MYO1F: variants seen among roughly 807,000 people sequenced by gnomAD.
The protein encoded by MYO1F is unconventional myosin-If.
MYO1F carries 60 observed loss-of-function variants against 146.6 expected under a neutral mutation model. The ratio of observed to expected loss-of-function variants is 0.41; its 90% CI spans 0.33 to 0.51. The LOEUF (loss-of-function observed/expected upper bound fraction) is 0.51, where lower values mean the gene tolerates loss of function less well. Among genes scored for constraint, MYO1F ranks in the 20% least tolerant of loss-of-function variants. The pLI is 0.25. For missense variants in MYO1F, 1,274 were observed against 1,534.3 expected (o/e 0.83, Z 2.83); for synonymous variants, 602 against 602.1 (o/e 1.00, Z 0.00).
chr19:8,576,435 C>G (rs1368577111), intron 1 of MYO1F: 5 of 152,450 alleles, frequency 3.3e-5, no homozygotes, highest in African/African-American at 7.2e-5. Context: ...GCCACATGCT[C>G]TCATCCTCAC....
intron 15 of MYO1F, among the ~76,000 whole-genome samples, chr19:8,540,671 C>T (rs1275657390): frequency 6.7e-6 from 1 of 149,864 alleles, no homozygotes; most frequent in African/African-American, 2.5e-5. Context: ...GATCGTGCCA[C>T]TGCACTCCAG....
rs1973619920 is a variant in MYO1F at position 8,551,742 on chromosome 19, G to GAGTCTCACCAA, written c.758_768dup (p.Ser258ValfsTer4). Reference sequence around the variant, plus strand: ...CTGGAGTAGAGGCCGGTGCTCACCAGAGTCTCACCAAAGTCGCTTCTGTCG... The same window carrying GAGTCTCACCAA: ...CTGGAGTAGAGGCCGGTGCTCACCAGAGTCTCACCAAAGTCTCACCAAAGTCGCTTCTGTCG... On this transcript the variant is annotated frameshift_variant, in exon 8 of 28. Coordinates refer to ENST00000644032, the MANE Select transcript of MYO1F (RefSeq NM_012335.4). LOFTEE classifies it high-confidence loss of function. 1.9e-6 allele frequency: 3 copies of GAGTCTCACCAA among 1,614,062 alleles called. No individual in the cohort carries two copies. Among genetic ancestry groups the GAGTCTCACCAA allele is most frequent in the Non-Finnish European group, 2.5e-6 (3 of 1,180,058 alleles).
chr19:8,525,586 T>A lies in MYO1F; in HGVS notation c.2771-24A>T, dbSNP rs1057343669. The A allele has an allele frequency of 3.8e-6, 6 of 1,598,530 alleles. No individual in the cohort carries two copies. The Admixed American group carries it at 1.0e-4, about 27-fold the overall frequency. On this transcript the variant is annotated intron_variant, in intron 24 of 27. Coordinates refer to ENST00000644032, the MANE Select transcript of MYO1F (RefSeq NM_012335.4). ...CTCTGAAAGAAGAGTGTCAGGGAGT[T>A]GAATGACAGACAGACCACGCTCTTT... is the stretch of plus-strand genomic sequence containing the variant.
chr19:8,539,430 C>G (rs1972863524), intron 16 of MYO1F, among the ~76,000 whole-genome samples: 2 of 151,010 alleles, frequency 1.3e-5, no homozygotes, highest in Non-Finnish European at 3.0e-5. Flanking sequence ...AAAAACCAAA[C>G]CAACAAAAAA....
chr19:8,546,422 C>T (rs998870318), intron 12 of MYO1F, among the ~76,000 whole-genome samples: 6 of 151,660 alleles, frequency 4.0e-5, no homozygotes, highest in East Asian at 1.9e-4. Flanking sequence ...CTCAGCGATG[C>T]GATCCTAGCT....
At chr19:8,552,422 C>G (rs1238300397) in intron 6 of MYO1F, among the ~76,000 whole-genome samples, 2 of 152,050 alleles carry the variant, frequency 1.3e-5, no homozygotes, top group Non-Finnish European at 2.9e-5. Context: ...CCATGCCCAG[C>G]TAATTTTTGT....
intron 1 of MYO1F, among the ~76,000 whole-genome samples, chr19:8,568,422 CAAAAAA>C (rs55833513): frequency 4.5e-5 from 3 of 66,462 alleles, no homozygotes; most frequent in East Asian, 5.2e-4. Flanking sequence ...GACTCCGTCT[CAAAAAA>C]AAAAAAAAAA....
intron 13 of MYO1F, 44 bp downstream of exon 13, chr19:8,545,606 G>A: frequency 6.6e-7 from 1 of 1,507,300 alleles, no homozygotes; most frequent in Admixed American, 1.7e-5. Flanking sequence ...ACTCAGCTCA[G>A]GGGACCAGTG....
chr19:8,527,787 A>AT (rs1972330106), intron 21 of MYO1F, among the ~76,000 whole-genome samples: 1 of 152,144 alleles, frequency 6.6e-6, no homozygotes, highest in East Asian at 1.9e-4. Flanking sequence ...TAATTTTGGT[A>AT]TTTTTTGTAG....
intron 19 of MYO1F, among the ~76,000 whole-genome samples, chr19:8,533,333 ATTCTTCTTCTTC>A (rs552758347): frequency 2.2e-5 from 3 of 135,732 alleles, no homozygotes; most frequent in Admixed American, 7.7e-5. Flanking sequence ...CCAGCCTCAG[ATTCTTCTTCTTC>A]TTCTTCTTCT....
chr19:8,547,457 A>G (rs1217567081), intron 12 of MYO1F, among the ~76,000 whole-genome samples: 2 of 151,834 alleles, frequency 1.3e-5, no homozygotes, highest in African/African-American at 4.8e-5. Context: ...TACAAAAATT[A>G]GCTGGGCATG....
rs368127869 is a variant in MYO1F, at chr19:8,526,605, T to C, written c.2622-4A>G. 132 of 1,592,290 alleles carry C rather than the reference T, an allele frequency of 8.3e-5. 1 individual carries two copies. The East Asian group carries it at 2.3e-3, about 28-fold the overall frequency. On this transcript the variant is annotated splice_polypyrimidine_tract_variant and splice_region_variant and intron_variant, in intron 23 of 27. Transcript: ENST00000644032. ...CTTCTTCACCCGAAACTGTAGTCTATGGGGAGAGAAGAAAGCTTGGGGGCG... is the reference window on the plus strand; with the variant it reads ...CTTCTTCACCCGAAACTGTAGTCTACGGGGAGAGAAGAAAGCTTGGGGGCG...
chr19:8,564,373 C>T (rs1416003414), intron 1 of MYO1F, among the ~76,000 whole-genome samples: 1 of 152,044 alleles, frequency 6.6e-6, no homozygotes, highest in African/African-American at 2.4e-5. Context: ...AGGAGTGAAA[C>T]CCTGTCTTGA....
At chr19:8,549,461 G>A (rs1281817552) in intron 10 of MYO1F, 1 of 151,476 alleles carries the variant, frequency 6.6e-6, no homozygotes, top group Non-Finnish European at 1.5e-5. Flanking sequence ...GTAGAGACAG[G>A]GTTTTGCCAT....
intron 25 of MYO1F, among the ~76,000 whole-genome samples, chr19:8,523,937 A>C (rs1405047491): frequency 6.8e-6 from 1 of 147,752 alleles, no homozygotes; most frequent in African/African-American, 2.5e-5. Context: ...TGGCCAACAT[A>C]GTGAAACTCT....
chr19:8,522,305 A>C, intron 27 of MYO1F, 72 bp downstream of exon 27: 1 of 1,596,482 alleles, frequency 6.3e-7, no homozygotes, highest in Non-Finnish European at 8.6e-7. Flanking sequence ...TACAGGCGTG[A>C]GCCACCGCGC....
At chr19:8,521,973 TG>T (rs1972075102) in intron 27 of MYO1F, among the ~76,000 whole-genome samples, 2 of 150,886 alleles carry the variant, frequency 1.3e-5, no homozygotes, top group Admixed American at 1.3e-4. Flanking sequence ...TGTTCTCCCG[TG>T]GGGAGGGTGT....
chr19:8,566,041 C>T (rs1051608516), intron 1 of MYO1F, among the ~76,000 whole-genome samples: 9 of 151,906 alleles, frequency 5.9e-5, no homozygotes, highest in Admixed American at 2.6e-4. Flanking sequence ...CCCAGGAGTT[C>T]GGAGTTACAG....
At position 8,544,683 on chromosome 19, in the gene MYO1F, G is replaced by A. The variant is rs781620626; in HGVS notation, c.1357-219C>T. Reference sequence around the variant, plus strand: ...GGGGGCAAGGGTGTGTGGGGCTACTGTGGAAGCTCGCTGAGGTGCAGAAGT... The same window carrying A: ...GGGGGCAAGGGTGTGTGGGGCTACTATGGAAGCTCGCTGAGGTGCAGAAGT... On this transcript the variant is annotated intron_variant, in intron 13 of 27. Transcript: ENST00000644032. Among the ~76,000 whole-genome samples, 13 of 152,144 alleles carry A rather than the reference G, an allele frequency of 8.5e-5. No homozygotes were observed. In the East Asian group the frequency reaches 1.4e-3, roughly 16 times the overall value.
Sources: gnomAD v4.1 joint callset for allele counts (sites outside exome capture counted in the v4.1 genomes callset) on GRCh38, gnomAD v4.1.1 for gene constraint, MANE v1.5 for transcripts, NCBI Gene and HGNC (gene_info 2026-07-23, HGNC 2026-07-21) for gene names.